The following RB1CC1 variants were observed in gnomAD, a reference collection of about 807,000 sequenced individuals.
RB1CC1 encodes RB1 inducible coiled-coil 1, also known as RB1-inducible coiled-coil protein 1.
RB1CC1 carries 46 observed loss-of-function variants against 177.5 expected under a neutral mutation model. The observed-to-expected ratio is 0.26, with a 90% CI of 0.20 to 0.33. The LOEUF (loss-of-function observed/expected upper bound fraction) is 0.33. Among genes scored for constraint, RB1CC1 ranks in the 10% least tolerant of loss-of-function variants. The pLI, the probability that RB1CC1 is intolerant of heterozygous loss-of-function variation, is 1.00. For synonymous variants in RB1CC1, 666 were observed against 613.6 expected (o/e 1.09, Z -1.26); for missense variants, 1,703 against 1,816.3 (o/e 0.94, Z 1.13).
At chr8:52,635,443 C>CCTTGTTG (rs1849063064) in intron 19 of RB1CC1, among the ~76,000 whole-genome samples, 1 of 152,060 alleles carries the variant, frequency 6.6e-6, no homozygotes, top group African/African-American at 2.4e-5. Flanking sequence ...GAAAAAAAGG[C>CCTTGTTG]ATTGTTGAAA....
rs187234732 is a variant in RB1CC1 at position 52,678,466 on chromosome 8, G to A, written c.370-1895C>T. Among the ~76,000 whole-genome samples the A allele has an allele frequency of 1.7e-3, 252 of 152,244 alleles. 1 individual carries two copies. Among genetic ancestry groups the A allele is most frequent in the African/African-American group, 5.3e-3 (219 of 41,542 alleles). ...TAGTATGCTTTCATTTATTTGGGGA[G>A]GCTAAGGTCAGTTAGAAATGTGAAA... On this transcript the variant is annotated intron_variant, in intron 5 of 23. Transcript: ENST00000025008.
At chr8:52,690,306 A>T (rs895043517) in intron 1 of RB1CC1, among the ~76,000 whole-genome samples, 1 of 152,226 alleles carries the variant, frequency 6.6e-6, no homozygotes, top group African/African-American at 2.4e-5. Flanking sequence ...ATATTCCTTC[A>T]TTCATTCATT....
chr8:52,691,949 A>T (rs1854903406), intron 1 of RB1CC1, among the ~76,000 whole-genome samples: 1 of 152,242 alleles, frequency 6.6e-6, no homozygotes, highest in African/African-American at 2.4e-5. Flanking sequence ...TGAGTTATTC[A>T]TTGTATACCA....
At chr8:52,661,323 G>GTACTAACTTAGTTACTTACTTAGTAAGCT in intron 9 of RB1CC1, 42 bp from the exon 10 acceptor site, 2 of 1,595,578 alleles carry the variant, frequency 1.3e-6, no homozygotes, top group Middle Eastern at 3.3e-4. Flanking sequence ...CACAAAACTG[G>GTACTAACTTAGTTACTTACTTAGTAAGCT]TACTAACTTA....
intron 1 of RB1CC1, among the ~76,000 whole-genome samples, chr8:52,690,481 A>G (rs187870539): frequency 1.3e-5 from 2 of 152,314 alleles, no homozygotes; most frequent in Non-Finnish European, 2.9e-5. Flanking sequence ...TCAACGCACA[A>G]AAGAAAAGAG....
rs781246407 is a variant in RB1CC1 at position 52,645,836 on chromosome 8, A to G, written c.3853T>C (p.Ser1285Pro). The change falls in exon 16 of 24, where the codon TCA becomes CCA. Residue 1285 changes from serine (S) to proline (P), a missense_variant. Ser to Pro is a moderately conservative substitution (Grantham distance 74). Transcript: ENST00000025008. ...PAIDSTRGDS[S>P]SLVAELQEKL... ...TCTTGAAGTTCAGCAACTAAGCTTG[A>G]AGAATCTCCTCTGGTAGAGTCAATG... is the stretch of plus-strand genomic sequence containing the variant. The G allele has an allele frequency of 4.1e-5, 66 of 1,609,510 alleles. No individual in the cohort carries two copies. The highest frequency in any genetic ancestry group is 5.5e-5 in the Non-Finnish European group (65 of 1,178,946).
chr8:52,689,096 T>C (rs1016728813), intron 1 of RB1CC1, among the ~76,000 whole-genome samples: 10 of 152,172 alleles, frequency 6.6e-5, no homozygotes, highest in East Asian at 1.9e-4. Context: ...CTAAACTATC[T>C]ATCCAATCCC....
intron 8 of RB1CC1, among the ~76,000 whole-genome samples, chr8:52,665,430 T>C (rs1388682187): frequency 2.0e-5 from 3 of 152,132 alleles, no homozygotes; most frequent in African/African-American, 7.2e-5. Context: ...AAGACCTTAA[T>C]CCAACAATCC....
At chr8:52,652,965 G>A (rs1850747108) in intron 15 of RB1CC1, among the ~76,000 whole-genome samples, 2 of 152,116 alleles carry the variant, frequency 1.3e-5, no homozygotes, top group South Asian at 2.1e-4. Context: ...GCTGAGGCAG[G>A]AGAATTGCTT....
chr8:52,656,688 T>C lies in RB1CC1; in HGVS notation c.3141A>G (p.Lys1047=), dbSNP rs1296515413. The stretch of plus-strand genomic sequence containing the variant: ...TGTCTGACAAATCAGAAACCTTGAG[T>C]TTTAATTCCTGTAACTGTTTTTCTT... ...QEKEKQLQEL[K]LKVSDLSDTR... The change falls in exon 15 of 24, where the codon AAA becomes AAG. Residue 1047 remains lysine (K), a synonymous_variant. Coordinates refer to ENST00000025008, the MANE Select transcript of RB1CC1 (RefSeq NM_014781.5). 1.2e-6 allele frequency: 2 copies of C among 1,613,772 alleles called. No homozygotes were observed. The highest frequency in any genetic ancestry group is 1.7e-6 in the Non-Finnish European group (2 of 1,179,874).
intron 1 of RB1CC1, among the ~76,000 whole-genome samples, chr8:52,712,495 C>CAAA (rs1554564068): frequency 1.6e-5 from 1 of 64,116 alleles, no homozygotes. Flanking sequence ...GCAGCAAGAG[C>CAAA]CAAAAAAAAA....
In RB1CC1 at chr8:52,700,228, C is replaced by T. The variant is rs1436780549; in HGVS notation, c.-166-13261G>A. ...GACAGAGCTGAGAAAATTTTCTTTG[C>T]CACTATGTCTCAAAGAAAATCAGCA... On this transcript the variant is annotated intron_variant, in intron 1 of 23. Transcript: ENST00000025008. Among the ~76,000 whole-genome samples, 3 of 152,030 alleles carry T rather than the reference C, an allele frequency of 2.0e-5. 1 individual carries two copies. Among genetic ancestry groups the T allele is most frequent in the Admixed American group, 2.0e-4 (3 of 15,270 alleles).
intron 20 of RB1CC1, among the ~76,000 whole-genome samples, chr8:52,630,996 G>A (rs1848712685): frequency 6.6e-6 from 1 of 152,172 alleles, no homozygotes; most frequent in African/African-American, 2.4e-5. Context: ...AAGGAAGGAA[G>A]GGGTTTTATC....
intron 1 of RB1CC1, among the ~76,000 whole-genome samples, chr8:52,701,792 GA>G (rs113491836): frequency 0.015 from 2,132 of 137,618 alleles, 31 homozygotes; most frequent in African/African-American, 0.046. Flanking sequence ...AGTCTTCTTT[GA>G]AAAAAAAAAA....
Position 52,656,434 on chromosome 8 carries a change from T to C in RB1CC1, c.3395A>G (p.Glu1132Gly), listed in dbSNP as rs769644498. 3 of 1,611,656 alleles carry C rather than the reference T, an allele frequency of 1.9e-6. No individual in the cohort carries two copies. The highest frequency in any genetic ancestry group is 2.2e-5 in the East Asian group (1 of 44,822). ...LAELRTLMTI[E>G]KDQCISELIS... is the part of the protein sequence containing the mutation. ...TAACTCGGAAATACACTGATCTTTT[T>C]CAATTGTCATTAAAGTTCTTAGCTC... The change falls in exon 15 of 24, where the codon GAA becomes GGA. Residue 1132 changes from glutamate (E) to glycine (G), a missense_variant. Coordinates refer to ENST00000025008, the MANE Select transcript of RB1CC1 (RefSeq NM_014781.5).
chr8:52,660,928 A>C lies in RB1CC1; in HGVS notation c.1625T>G (p.Phe542Cys). The C allele has an allele frequency of 1.2e-6, 2 of 1,606,078 alleles. No individual in the cohort carries two copies. The highest frequency in any genetic ancestry group is 1.7e-4 in the Middle Eastern group (1 of 6,000). ...TAAAATTATTAATGAACACTTACTA[A>C]ATAATTTCCCAAAGGATTCCCTTTT... ...KSKRESFGKL[F>C]RKSFLRNRLF... is the part of the protein sequence containing the mutation. Residue 542 changes from phenylalanine (F) to cysteine (C), a missense_variant and splice_region_variant, in exon 11 of 24, where the codon TTT becomes TGT. By Grantham distance (205) the Phe-to-Cys change is radical (BLOSUM62 -2). Transcript: ENST00000025008.
chr8:52,697,400 T>G (rs932829337), intron 1 of RB1CC1, among the ~76,000 whole-genome samples: 1 of 152,106 alleles, frequency 6.6e-6, no homozygotes, highest in African/African-American at 2.4e-5. Context: ...GATCCTGACT[T>G]AAAACAACTG....
Position 52,666,614 on chromosome 8 carries a change from T to G in RB1CC1, c.1173+1407A>C, listed in dbSNP as rs1852092390. On this transcript the variant is annotated intron_variant, in intron 8 of 23. Transcript: ENST00000025008. ...AGTGAACAGATACAGACTTTTAAAC[T>G]GCTATGTGCTTAATGTGATCAAAGA... 2.0e-5 allele frequency among the ~76,000 whole-genome samples: 3 copies of G among 152,090 alleles called. No homozygotes were observed. In the South Asian group the frequency reaches 6.2e-4, roughly 32 times the overall value.
intron 5 of RB1CC1, among the ~76,000 whole-genome samples, chr8:52,676,897 A>C (rs879870205): frequency 6.6e-6 from 1 of 152,226 alleles, no homozygotes; most frequent in Non-Finnish European, 1.5e-5. Context: ...CTCTGGTATT[A>C]TCTCAAGACA....
Sources: allele counts gnomAD v4.1 joint callset (sites outside exome capture counted in the v4.1 genomes callset), GRCh38; gene constraint gnomAD v4.1.1; transcripts MANE v1.5; gene names NCBI Gene and HGNC (gene_info 2026-07-23, HGNC 2026-07-21).